Variants in NGEF observed in about 807,000 individuals in gnomAD.
NGEF encodes the protein ephexin-1.
In NGEF, 31 loss-of-function variants were observed where a neutral mutation model predicts 80.9. The ratio of observed to expected loss-of-function variants is 0.38; its 90% CI spans 0.29 to 0.52. The LOEUF is 0.52. NGEF is among the 20% of genes least tolerant of loss of function. The pLI, the probability that NGEF is intolerant of heterozygous loss-of-function variation, is 0.84. For synonymous variants in NGEF, 371 were observed against 370.2 expected (o/e 1.00, Z -0.03); for missense variants, 709 against 926.2 (o/e 0.77, Z 3.04).
chr2:232,893,082 G>T, intron 6 of NGEF, 32 bp from the exon 7 acceptor site: 2 of 1,599,926 alleles, frequency 1.3e-6, no homozygotes, highest in Non-Finnish European at 8.5e-7. Context: ...GGCGGAGGGT[G>T]CCCGGGGGGT....
chr2:232,888,394 GCA>G (rs1691768233), intron 8 of NGEF, among the ~76,000 whole-genome samples: 2 of 151,406 alleles, frequency 1.3e-5, no homozygotes, highest in African/African-American at 4.9e-5. Flanking sequence ...ATGCATACAA[GCA>G]CACGTGCACA....
intron 1 of NGEF, among the ~76,000 whole-genome samples, chr2:232,983,435 C>T (rs1168092818): frequency 6.6e-6 from 1 of 152,004 alleles, no homozygotes; most frequent in Non-Finnish European, 1.5e-5. Flanking sequence ...TGAATGGAGA[C>T]CCTCCTGAGG....
intron 8 of NGEF, among the ~76,000 whole-genome samples, chr2:232,890,710 A>C (rs1691854410): frequency 6.7e-6 from 1 of 149,208 alleles, no homozygotes; most frequent in African/African-American, 2.5e-5. Context: ...CCGGGCCCCC[A>C]CTCCCCGACC....
chr2:232,912,890 T>C (rs1692718957), intron 5 of NGEF, among the ~76,000 whole-genome samples: 1 of 152,214 alleles, frequency 6.6e-6, no homozygotes, highest in Non-Finnish European at 1.5e-5. Context: ...TTATATCTTC[T>C]CTTTTTTTGT....
Position 232,927,036 on chromosome 2 carries a change from A to T in NGEF, c.526+8T>A, listed in dbSNP as rs1693085531. The T allele has an allele frequency of 1.2e-6, 2 of 1,613,806 alleles. No homozygotes were observed. Among genetic ancestry groups the T allele is most frequent in the Non-Finnish European group, 1.7e-6 (2 of 1,179,978 alleles). Reference sequence around the variant, plus strand: ...CAAATAAAACCCGGTTACTGCGGAGACACCCACCTATTTGTTCAATGAGGT... The same window carrying T: ...CAAATAAAACCCGGTTACTGCGGAGTCACCCACCTATTTGTTCAATGAGGT... On this transcript the variant is annotated splice_region_variant and intron_variant, in intron 4 of 14. Transcript: ENST00000264051.
intron 5 of NGEF, among the ~76,000 whole-genome samples, chr2:232,912,300 A>G (rs955430286): frequency 6.6e-5 from 10 of 152,082 alleles, no homozygotes; most frequent in Admixed American, 1.3e-4. Flanking sequence ...GACTGTTAAT[A>G]TGGTGGGTTA....
chr2:232,899,856 GCT>G (rs1357033827), intron 5 of NGEF, among the ~76,000 whole-genome samples: 10 of 109,374 alleles, frequency 9.1e-5, no homozygotes, highest in Non-Finnish European at 1.5e-4. Flanking sequence ...ACACACACAC[GCT>G]CTCACAGTCA....
intron 6 of NGEF, 77 bp from the exon 7 acceptor site, chr2:232,893,127 G>A (rs1254302230): frequency 6.1e-6 from 9 of 1,471,646 alleles, no homozygotes; most frequent in Middle Eastern, 1.9e-4. Context: ...GGCAGCATGC[G>A]AGCCTGACTT....
chr2:232,894,923 C>T lies in NGEF; in HGVS notation c.829-7G>A. ...TGACCAGCTCGAACATGGCCTGTAG[C>T]AGGGAGACCCCATGGTTACCGCCTG... On this transcript the variant is annotated splice_region_variant and splice_polypyrimidine_tract_variant and intron_variant, in intron 5 of 14. Coordinates refer to ENST00000264051, the MANE Select transcript of NGEF (RefSeq NM_019850.3). The T allele has an allele frequency of 6.4e-7, 1 of 1,568,194 alleles. No individual in the cohort carries two copies. Among genetic ancestry groups the T allele is most frequent in the Non-Finnish European group, 8.7e-7 (1 of 1,144,548 alleles).
intron 3 of NGEF, among the ~76,000 whole-genome samples, chr2:232,957,259 T>G (rs1693849789): frequency 1.3e-5 from 2 of 151,994 alleles, no homozygotes; most frequent in Admixed American, 1.3e-4. Flanking sequence ...GTAGAGAAAA[T>G]CCACAGTTCA....
In NGEF at chr2:232,974,797, G is replaced by A; in HGVS notation, c.94C>T (p.Pro32Ser). The change falls in exon 2 of 15, where the codon CCT (proline) becomes TCT (serine). Residue 32 changes from proline to serine, a missense_variant. This residue lies in a region of NGEF where 283 missense variants were observed against 303.4 expected (regional missense o/e 0.93). Coordinates refer to ENST00000264051, the MANE Select transcript of NGEF (RefSeq NM_019850.3). ...NTDNEPAKVK[P>S]ELLPEKEETS... ...TCCTCTTTTTCTGGGAGTAACTCAGGTTTCACCTTGGCTGGTTCATTATCA... is the reference window on the plus strand; with the variant it reads ...TCCTCTTTTTCTGGGAGTAACTCAGATTTCACCTTGGCTGGTTCATTATCA... 3 of 1,614,190 alleles carry A rather than the reference G, an allele frequency of 1.9e-6. No individual in the cohort carries two copies. The highest frequency in any genetic ancestry group is 2.5e-6 in the Non-Finnish European group (3 of 1,180,038).
chr2:232,881,609 CAG>C (rs892418258), intron 13 of NGEF, among the ~76,000 whole-genome samples: 1 of 152,118 alleles, frequency 6.6e-6, no homozygotes, highest in African/African-American at 2.4e-5. Context: ...CTTTTTGAGA[CAG>C]AGTCTCCCTC....
chr2:232,993,532 T>C (rs1032604914), intron 1 of NGEF, among the ~76,000 whole-genome samples: 1 of 152,050 alleles, frequency 6.6e-6, no homozygotes, highest in Non-Finnish European at 1.5e-5. Context: ...AGATCAAACA[T>C]AGAGTTACCA....
chr2:232,976,486 C>T (rs1270028717), intron 1 of NGEF, among the ~76,000 whole-genome samples: 3 of 152,286 alleles, frequency 2.0e-5, no homozygotes, highest in African/African-American at 7.2e-5. Flanking sequence ...TCCCCTACCC[C>T]AGGCCGAGAA....
chr2:232,893,026 C>T lies in NGEF; in HGVS notation c.1014G>A (p.Arg338=). 6.2e-7 allele frequency: 1 copy of T among 1,612,958 alleles called. No individual in the cohort carries two copies. The highest frequency in any genetic ancestry group is 8.5e-7 in the Non-Finnish European group (1 of 1,179,710). ...SERFLLELEH[R]MEENIVISDV... ...CAGAGATGACGATGTTCTCCTCCAT[C>T]CGGTGCTCCAGCTCCAGGAGGAACC... The change falls in exon 7 of 15, where the codon CGG becomes CGA. Residue 338 remains arginine, a synonymous_variant. Transcript: ENST00000264051.
intron 1 of NGEF, among the ~76,000 whole-genome samples, chr2:232,994,369 CAAAAAAA>C (rs10591943): frequency 1.6e-5 from 2 of 128,986 alleles, no homozygotes; most frequent in Non-Finnish European, 3.3e-5. Flanking sequence ...GACTTTGTCT[CAAAAAAA>C]AAAAAAAAAA....
In NGEF at chr2:232,920,580, G is replaced by A. The variant is rs1225696252; in HGVS notation, c.532C>T (p.Leu178=). ...WRNLIEQIGL[L]YQEYRDKSTL... is the part of the protein sequence containing the mutation. Reference sequence around the variant, plus strand: ...GATTTATCTCGGTATTCCTGATACAGGAGCCCTGAAATCAAAGAGTTGTAA... The same window carrying A: ...GATTTATCTCGGTATTCCTGATACAAGAGCCCTGAAATCAAAGAGTTGTAA... Residue 178 remains leucine (L), a synonymous_variant, in exon 5 of 15, where the codon CTG becomes TTG. Coordinates refer to ENST00000264051, the MANE Select transcript of NGEF (RefSeq NM_019850.3). The A allele has an allele frequency of 3.3e-6, 5 of 1,513,404 alleles. No homozygotes were observed. Among genetic ancestry groups the A allele is most frequent in the East Asian group, 4.6e-5 (2 of 43,604 alleles). The allele number at this position is 1,513,404 out of a possible 1,614,324, so 93.7% of individuals were successfully genotyped here.
At chr2:232,960,755 G>C (rs1482101447) in intron 3 of NGEF, among the ~76,000 whole-genome samples, 2 of 152,186 alleles carry the variant, frequency 1.3e-5, no homozygotes, top group African/African-American at 4.8e-5. Context: ...GTGCATGCCT[G>C]TAATTCCTGC....
chr2:232,906,481 A>G (rs1692546512), intron 5 of NGEF, among the ~76,000 whole-genome samples: 1 of 83,028 alleles, frequency 1.2e-5, no homozygotes, highest in Non-Finnish European at 2.5e-5. Flanking sequence ...GGAAGTGAGG[A>G]GCCCCTCTGC....
Sources: allele counts gnomAD v4.1 joint callset (sites outside exome capture counted in the v4.1 genomes callset), GRCh38; gene constraint gnomAD v4.1.1; regional missense constraint gnomAD v4.1.1; transcripts MANE v1.5; gene names NCBI Gene and HGNC (gene_info 2026-07-23, HGNC 2026-07-21).